The following MYBPC1 variants were observed in gnomAD, a reference collection of about 807,000 sequenced individuals.
MYBPC1 encodes myosin binding protein C1.
MYBPC1 carries 52 observed loss-of-function variants against 147.1 expected under a neutral mutation model. The observed-to-expected ratio is 0.35, with a 90% CI of 0.28 to 0.45. The LOEUF (loss-of-function observed/expected upper bound fraction) is 0.45. Among genes scored for constraint, MYBPC1 ranks in the 20% least tolerant of loss-of-function variants. The pLI is 1.00. For missense variants in MYBPC1, 1,228 were observed against 1,440.3 expected (o/e 0.85, Z 2.39); for synonymous variants, 477 against 475.9 (o/e 1.00, Z -0.03).
At chr12:101,682,548 G>C in intron 29 of MYBPC1, 56 bp from the exon 30 acceptor site, 3 of 1,516,326 alleles carry the variant, frequency 2.0e-6, no homozygotes, top group Non-Finnish European at 2.7e-6. Flanking sequence ...GTGAAAAAAG[G>C]TAAGAATGTC....
intron 1 of MYBPC1, among the ~76,000 whole-genome samples, chr12:101,608,147 C>T (rs1271699416): frequency 6.6e-6 from 1 of 152,180 alleles, no homozygotes; most frequent in Non-Finnish European, 1.5e-5. Flanking sequence ...AGATCTACCC[C>T]TTTGAAAGCA....
rs769860679 is a variant in MYBPC1 at position 101,667,821 on chromosome 12, C to T, written c.2446C>T (p.Arg816Cys). Residue 816 changes from arginine to cysteine, a missense_variant, in exon 23 of 32, where the codon CGT becomes TGT. Physicochemically the swap from Arg to Cys is radical, Grantham distance 180 (BLOSUM62 -3). This residue lies in a region of MYBPC1 where 1,077 missense variants were observed against 1,314.2 expected (regional missense o/e 0.82). Transcript: ENST00000361466. ...GCCAACAGATGCAAAGATCTTTGTGCGTGTGAAGGCTGTTAATGCAGCTGG... is the reference window on the plus strand; with the variant it reads ...GCCAACAGATGCAAAGATCTTTGTGTGTGTGAAGGCTGTTAATGCAGCTGG... ...GLPTDAKIFV[R>C]VKAVNAAGAS... 9 of 1,614,014 alleles carry T rather than the reference C, an allele frequency of 5.6e-6. No individual in the cohort carries two copies. The highest frequency in any genetic ancestry group is 4.5e-5 in the East Asian group (2 of 44,894).
the MYBPC1 span, among the ~76,000 whole-genome samples, chr12:101,693,924 G>A: frequency 6.6e-6 from 1 of 152,138 alleles, no homozygotes; most frequent in African/African-American, 2.4e-5. Context: ...CAGAAGAAAG[G>A]AGCATAGCAG....
In MYBPC1 at chr12:101,662,554, A is replaced by C. The variant is rs750411038; in HGVS notation, c.2221+8A>C. 8 of 1,613,564 alleles carry C rather than the reference A, an allele frequency of 5.0e-6. No homozygotes were observed. The South Asian group carries it at 7.7e-5, about 16-fold the overall frequency. On this transcript the variant is annotated splice_region_variant and intron_variant, in intron 21 of 31. Coordinates refer to ENST00000361466, the MANE Select transcript of MYBPC1 (RefSeq NM_002465.4). The stretch of plus-strand genomic sequence containing the variant: ...GGCCTTTTGTTCCTTTGGGTAAGTC[A>C]AGAGAGATGAGTCTTTGTCATCAGA...
In MYBPC1 at chr12:101,663,540, T is replaced by C. The variant is rs747840180; in HGVS notation, c.2336T>C (p.Leu779Pro). 5.0e-6 allele frequency: 8 copies of C among 1,614,060 alleles called. No homozygotes were observed. The Admixed American group carries it at 1.2e-4, about 24-fold the overall frequency. The change falls in exon 22 of 32, where the codon CTA (leucine) becomes CCA (proline). Residue 779 changes from leucine (L) to proline (P), a missense_variant. By Grantham distance (98) the Leu-to-Pro change is moderately conservative. Coordinates refer to ENST00000361466, the MANE Select transcript of MYBPC1 (RefSeq NM_002465.4). ...GCAGCAGGTTTAGATGGCTATGTGCTAGAGTATTGCTTTGAAGGAAGTAAG... is the reference window on the plus strand; with the variant it reads ...GCAGCAGGTTTAGATGGCTATGTGCCAGAGTATTGCTTTGAAGGAAGTAAG... ...IGAAGLDGYV[L>P]EYCFEGTEDW...
intron 3 of MYBPC1, among the ~76,000 whole-genome samples, chr12:101,623,745 C>T (rs1887959026): frequency 6.6e-6 from 1 of 152,022 alleles, no homozygotes; most frequent in Admixed American, 6.6e-5. Flanking sequence ...TAAATAAAAA[C>T]CTCTGAATAG....
At chr12:101,609,049 T>C (rs1883309963) in intron 1 of MYBPC1, among the ~76,000 whole-genome samples, 1 of 152,072 alleles carries the variant, frequency 6.6e-6, no homozygotes, top group South Asian at 2.1e-4. Context: ...GAGCACCTGC[T>C]GTGTGGAATC....
Position 101,614,496 on chromosome 12 carries a change from A to G in MYBPC1, c.26A>G (p.Glu9Gly). The G allele has an allele frequency of 1.2e-6, 2 of 1,613,890 alleles. No individual in the cohort carries two copies. The highest frequency in any genetic ancestry group is 1.7e-6 in the Non-Finnish European group (2 of 1,179,962). Residue 9 changes from glutamate (E) to glycine (G), a missense_variant and splice_region_variant, in exon 2 of 32, where the codon GAA becomes GGA. Glu to Gly is a moderately conservative substitution (Grantham distance 98, BLOSUM62 -2). Coordinates refer to ENST00000361466, the MANE Select transcript of MYBPC1 (RefSeq NM_002465.4). ...TTTCCATGACTCTTTCCATTTCTAG[A>G]AAATGAAGTGCCAGCCCCAGCCCCA... MPEPTKKEENEVPAPAPPP... is the reference protein window; with the variant it reads MPEPTKKEGNEVPAPAPPP...
chr12:101,686,884 A>T (rs1297741849), downstream of MYBPC1, among the ~76,000 whole-genome samples: 1 of 151,982 alleles, frequency 6.6e-6, no homozygotes, highest in African/African-American at 2.4e-5. Context: ...TTATGTCCAA[A>T]CTATGTTGGC....
intron 2 of MYBPC1, 137 bp from the exon 3 acceptor site, chr12:101,617,065 C>T (rs1339397124): frequency 5.4e-6 from 4 of 746,366 alleles, no homozygotes; most frequent in Non-Finnish European, 9.3e-6. Flanking sequence ...AATTCATGTA[C>T]AGCACGAGTA....
intron 17 of MYBPC1, 140 bp downstream of exon 17, chr12:101,652,924 T>C (rs1419402587): frequency 6.5e-6 from 7 of 1,075,146 alleles, no homozygotes; most frequent in Non-Finnish European, 6.9e-6. Context: ...ATCAGAAAGA[T>C]TGGTGACTTA....
chr12:101,596,746 T>C (rs1417734305), intron 1 of MYBPC1, among the ~76,000 whole-genome samples: 1 of 152,194 alleles, frequency 6.6e-6, no homozygotes, highest in Admixed American at 6.5e-5. Context: ...AAGAGGAAAA[T>C]ATATCTTTAA....
chr12:101,668,819 C>T (rs960157317), intron 23 of MYBPC1, among the ~76,000 whole-genome samples: 2 of 152,144 alleles, frequency 1.3e-5, no homozygotes, highest in Admixed American at 1.3e-4. Context: ...GAGCACAATG[C>T]CTCATGCCTG....
chr12:101,685,805 T>G lies in MYBPC1; in HGVS notation c.*243T>G. On this transcript the variant is annotated 3_prime_UTR_variant, in exon 32 of 32. Coordinates refer to ENST00000361466, the MANE Select transcript of MYBPC1 (RefSeq NM_002465.4). ...TGGTCTTTTTCTTTCCTCCTAATGT[T>G]GAAGAGAAAAAAAAAAAAAAAAGTT... 3.7e-6 allele frequency: 2 copies of G among 536,728 alleles called. No homozygotes were observed. The highest frequency in any genetic ancestry group is 5.8e-6 in the Non-Finnish European group (2 of 347,316). 33.2% of individuals were successfully genotyped at this position (536,728 alleles called of 1,614,324 possible).
intron 1 of MYBPC1, among the ~76,000 whole-genome samples, chr12:101,613,273 T>A (rs1011711191): frequency 1.3e-5 from 2 of 152,190 alleles, no homozygotes; most frequent in South Asian, 4.1e-4. Flanking sequence ...GAACGGGGCA[T>A]TTGGCCTACA....
rs770347866 is a variant in MYBPC1 at position 101,670,427 on chromosome 12, G to A, written c.2613+18G>A. 1.4e-5 allele frequency: 22 copies of A among 1,596,518 alleles called. No homozygotes were observed. Among genetic ancestry groups the A allele is most frequent in the South Asian group, 7.7e-5 (7 of 90,730 alleles). ...CTTTCCAGGTAAGAGTTCAAGGGTC[G>A]CTCTTTTTCTCTTTAGAGGGCTGGA... On this transcript the variant is annotated intron_variant, in intron 24 of 31. Coordinates refer to ENST00000361466, the MANE Select transcript of MYBPC1 (RefSeq NM_002465.4).
At chr12:101,659,203 A>AT (rs1363170677) in intron 18 of MYBPC1, among the ~76,000 whole-genome samples, 3 of 152,194 alleles carry the variant, frequency 2.0e-5, no homozygotes, top group Non-Finnish European at 4.4e-5. Flanking sequence ...GTATTTTAAA[A>AT]TTTTCCAAAC....
intron 4 of MYBPC1, 89 bp from the exon 5 acceptor site, chr12:101,627,680 T>G: frequency 6.9e-7 from 1 of 1,450,376 alleles, no homozygotes; most frequent in Non-Finnish European, 9.7e-7. Flanking sequence ...GAGACAGGGT[T>G]TAGGGGAATC....
chr12:101,684,723 G>T (rs1405341690), intron 31 of MYBPC1, among the ~76,000 whole-genome samples: 2 of 152,162 alleles, frequency 1.3e-5, no homozygotes, highest in African/African-American at 4.8e-5. Context: ...TTTGCATCAA[G>T]GAATGGACAT....
Sources: gnomAD v4.1 joint callset for allele counts (sites outside exome capture counted in the v4.1 genomes callset) on GRCh38, gnomAD v4.1.1 for gene constraint, gnomAD v4.1.1 regional missense constraint, MANE v1.5 for transcripts, NCBI Gene and HGNC (gene_info 2026-07-23, HGNC 2026-07-21) for gene names.